Variants in TENM3 observed in about 807,000 individuals in gnomAD.
TENM3 encodes the protein teneurin-3.
TENM3 carries 63 observed loss-of-function variants against 255.1 expected under a neutral mutation model. The ratio of observed to expected loss-of-function variants is 0.25; its 90% CI spans 0.20 to 0.30. The LOEUF is 0.30. TENM3 is among the 10% of genes least tolerant of loss of function. The probability of loss-of-function intolerance (pLI) is 1.00; values close to 1 mark genes in which losing one functional copy is unlikely to be tolerated. For missense variants in TENM3, 2,929 were observed against 3,461.1 expected (o/e 0.85, Z 3.86); for synonymous variants, 1,306 against 1,322.3 (o/e 0.99, Z 0.27).
intron 24 of TENM3, among the ~76,000 whole-genome samples, chr4:182,785,116 G>A (rs796249274): frequency 6.1e-4 from 92 of 151,980 alleles, no homozygotes; most frequent in African/African-American, 2.0e-3. Flanking sequence ...TTGCTGGGAC[G>A]CCCAGGCTGG....
chr4:181,671,380 G>C, the TENM3 span, among the ~76,000 whole-genome samples: 1 of 152,154 alleles, frequency 6.6e-6, no homozygotes, highest in Non-Finnish European at 1.5e-5. Context: ...ACTGCAGAAA[G>C]TTTCAGATCA....
At chr4:182,224,933 C>T (rs1756055875) in intron 1 of TENM3, among the ~76,000 whole-genome samples, 1 of 151,984 alleles carries the variant, frequency 6.6e-6, no homozygotes, top group South Asian at 2.1e-4. Flanking sequence ...GGGGTTTCAC[C>T]ATGTTGGTCA....
chr4:182,640,550 T>G (rs1218075123), intron 5 of TENM3, among the ~76,000 whole-genome samples: 1 of 152,222 alleles, frequency 6.6e-6, no homozygotes, highest in Non-Finnish European at 1.5e-5. Flanking sequence ...TAATGATATT[T>G]TTAGATGCCT....
chr4:181,782,460 G>A, the TENM3 span, among the ~76,000 whole-genome samples: 1 of 152,022 alleles, frequency 6.6e-6, no homozygotes, highest in Admixed American at 6.6e-5. Flanking sequence ...TGGGATCGGT[G>A]GTGATATCCC....
At chr4:182,106,139 G>A in the TENM3 span, among the ~76,000 whole-genome samples, 1 of 152,122 alleles carries the variant, frequency 6.6e-6, no homozygotes, top group Admixed American at 6.5e-5. Flanking sequence ...TACCACCAGG[G>A]CAAAGGCCAG....
the TENM3 span, among the ~76,000 whole-genome samples, chr4:181,524,473 T>G: frequency 2.6e-5 from 4 of 152,222 alleles, no homozygotes; most frequent in African/African-American, 9.6e-5. Context: ...CTGATTTAAC[T>G]ATGAGTAAAG....
chr4:181,619,007 A>G, the TENM3 span, among the ~76,000 whole-genome samples: 1 of 152,152 alleles, frequency 6.6e-6, no homozygotes, highest in Non-Finnish European at 1.5e-5. Context: ...TAGGGACCAC[A>G]TAAGCAGGCT....
At chr4:181,581,204 G>A in the TENM3 span, among the ~76,000 whole-genome samples, 1 of 152,178 alleles carries the variant, frequency 6.6e-6, no homozygotes, top group African/African-American at 2.4e-5. Flanking sequence ...ACTTTGGGAG[G>A]CCGAGGCTGG....
chr4:181,893,496 C>CCCCA, the TENM3 span, among the ~76,000 whole-genome samples: 4 of 103,134 alleles, frequency 3.9e-5, no homozygotes, highest in Non-Finnish European at 7.6e-5. Context: ...TGCCCACCCC[C>CCCCA]CCCCCACCCC....
At chr4:182,773,431 A>C in intron 22 of TENM3, 41 bp from the exon 23 acceptor site, 1 of 1,530,678 alleles carries the variant, frequency 6.5e-7, no homozygotes, top group Non-Finnish European at 8.8e-7. Flanking sequence ...AAGAAACTGC[A>C]GTTTCCTATT....
At chr4:181,595,444 A>AAAAAAAC in the TENM3 span, among the ~76,000 whole-genome samples, 7 of 129,530 alleles carry the variant, frequency 5.4e-5, no homozygotes, top group African/African-American at 1.1e-4. Context: ...AAAAAAAAAA[A>AAAAAAAC]AAAAAAAAAA....
chr4:182,088,233 A>G, the TENM3 span, among the ~76,000 whole-genome samples: 20,228 of 152,250 alleles, frequency 0.13, 1,425 homozygotes, highest in Middle Eastern at 0.27. Context: ...TTTCATTATG[A>G]GTACGAAAAT....
intron 3 of TENM3, among the ~76,000 whole-genome samples, chr4:182,597,436 G>A (rs1747372858): frequency 1.3e-5 from 2 of 151,980 alleles, no homozygotes. Context: ...AACTTAAAAA[G>A]AAATGTTATC....
At chr4:181,496,418 A>G in the TENM3 span, among the ~76,000 whole-genome samples, 1 of 152,192 alleles carries the variant, frequency 6.6e-6, no homozygotes, top group African/African-American at 2.4e-5. Flanking sequence ...ATATCTGTAC[A>G]TTCATAAATG....
Position 182,360,516 on chromosome 4 carries a change from C to T in TENM3, c.511+13587C>T, listed in dbSNP as rs529817915. On this transcript the variant is annotated intron_variant, in intron 3 of 27. Transcript: ENST00000511685. ...CTTTTGATCTTTGTTGGTTTAAAGT[C>T]TGTTTTATCAGAGACTAGGATTGCA... Among the ~76,000 whole-genome samples the T allele has an allele frequency of 4.0e-4, 61 of 150,632 alleles. 2 individuals carry two copies. In the South Asian group the frequency reaches 0.013, roughly 32 times the overall value.
the TENM3 span, among the ~76,000 whole-genome samples, chr4:182,065,609 C>T: frequency 5.3e-5 from 8 of 152,308 alleles, no homozygotes; most frequent in East Asian, 1.5e-3. Flanking sequence ...ACCTCCCACC[C>T]GGCCCCTCCT....
intron 24 of TENM3, among the ~76,000 whole-genome samples, chr4:182,777,544 T>TG (rs1561238773): frequency 1.3e-4 from 18 of 135,062 alleles, no homozygotes; most frequent in South Asian, 9.7e-4. Flanking sequence ...TGTGTGTGTA[T>TG]TTCTTTTTTT....
chr4:182,440,553 G>T (rs1343996754), intron 3 of TENM3, among the ~76,000 whole-genome samples: 2 of 152,076 alleles, frequency 1.3e-5, no homozygotes, highest in African/African-American at 4.8e-5. Context: ...TGACTCAAAG[G>T]TGATGGTTCT....
chr4:182,755,623 G>C (rs1431176777), intron 22 of TENM3, among the ~76,000 whole-genome samples: 1 of 152,102 alleles, frequency 6.6e-6, no homozygotes, highest in Admixed American at 6.5e-5. Flanking sequence ...CGGATCACGA[G>C]GTCAGAAGAT....
Sources: allele counts gnomAD v4.1 joint callset (sites outside exome capture counted in the v4.1 genomes callset), GRCh38; gene constraint gnomAD v4.1.1; transcripts MANE v1.5; gene names NCBI Gene and HGNC (gene_info 2026-07-23, HGNC 2026-07-21).